CDH23: variants seen among roughly 807,000 people sequenced by gnomAD.
CDH23 encodes the protein cadherin-23.
CDH23 carries 189 observed loss-of-function variants against 317.1 expected under a neutral mutation model. That is an observed-to-expected ratio of 0.60 (90% CI 0.53 to 0.67). CDH23 has a LOEUF of 0.67. CDH23 is among the 30% of genes least tolerant of loss of function. The pLI is 0.00. For synonymous variants in CDH23, 1,839 were observed against 1,876.8 expected (o/e 0.98, Z 0.52); for missense variants, 4,401 against 4,592.4 (o/e 0.96, Z 1.20).
At chr10:71,520,216 G>A (rs1164633439) in intron 6 of CDH23, among the ~76,000 whole-genome samples, 1 of 152,228 alleles carries the variant, frequency 6.6e-6, no homozygotes, top group Non-Finnish European at 1.5e-5. Context: ...ATTGGCTGAA[G>A]TCAGGGCATT....
intron 53 of CDH23, among the ~76,000 whole-genome samples, chr10:71,801,522 C>T (rs1390185111): frequency 6.6e-6 from 1 of 152,102 alleles, no homozygotes; most frequent in African/African-American, 2.4e-5. Context: ...CCAGTGTCCA[C>T]GCAGCTGTTC....
Position 71,806,001 on chromosome 10 carries a change from A to AGGGCGGGGCCCGGTGCGAG in CDH23, c.8064+13_8064+31dup. 1 of 1,061,646 alleles carries AGGGCGGGGCCCGGTGCGAG rather than the reference A, an allele frequency of 9.4e-7. No individual in the cohort carries two copies. The highest frequency in any genetic ancestry group is 1.3e-6 in the Non-Finnish European group (1 of 764,060). 65.8% of individuals were successfully genotyped at this position (1,061,646 alleles called of 1,614,324 possible). A position where few individuals can be genotyped will look rare whatever the true frequency, so the allele number is the denominator to read the frequency against. On this transcript the variant is annotated splice_donor_region_variant and intron_variant, in intron 56 of 69. Transcript: ENST00000224721. The stretch of plus-strand genomic sequence containing the variant: ...CGAGTCGCAGGCGGTGTACAGCGTA[A>AGGGCGGGGCCCGGTGCGAG]GGGCGGGGCCCGGTGCGAGGGGCGG...
chr10:71,477,559 C>T (rs1292232097), intron 3 of CDH23, among the ~76,000 whole-genome samples: 1 of 152,204 alleles, frequency 6.6e-6, no homozygotes, highest in Non-Finnish European at 1.5e-5. Context: ...TCACCACTCT[C>T]ATGGCTTCGG....
intron 6 of CDH23, among the ~76,000 whole-genome samples, chr10:71,528,154 C>T (rs1855148746): frequency 6.6e-6 from 1 of 152,176 alleles, no homozygotes; most frequent in Non-Finnish European, 1.5e-5. Context: ...GCCATCATGC[C>T]ATGGCACTAA....
chr10:71,445,698 T>C (rs1247683605), intron 2 of CDH23, among the ~76,000 whole-genome samples: 1 of 151,806 alleles, frequency 6.6e-6, no homozygotes, highest in Admixed American at 6.6e-5. Context: ...AAAAATAAAG[T>C]AAAATAGCCT....
chr10:71,647,317 G>A (rs1862940708), intron 14 of CDH23, among the ~76,000 whole-genome samples: 1 of 152,196 alleles, frequency 6.6e-6, no homozygotes, highest in South Asian at 2.1e-4. Context: ...ACAAAAATTA[G>A]CCGGGTGTGG....
chr10:71,771,138 G>C (rs940504803), intron 38 of CDH23, among the ~76,000 whole-genome samples: 1 of 152,192 alleles, frequency 6.6e-6, no homozygotes, highest in Non-Finnish European at 1.5e-5. Flanking sequence ...TGTGAGGACA[G>C]GGCAAGGACA....
chr10:71,452,685 A>G (rs942369842), intron 3 of CDH23, among the ~76,000 whole-genome samples: 1 of 152,150 alleles, frequency 6.6e-6, no homozygotes, highest in Non-Finnish European at 1.5e-5. Context: ...CCATTGGTCT[A>G]TTAATTTTTA....
chr10:71,405,432 CTTTT>C (rs397824446), intron 1 of CDH23, among the ~76,000 whole-genome samples: 2 of 130,664 alleles, frequency 1.5e-5, no homozygotes, highest in Non-Finnish European at 1.6e-5. Context: ...GGTAGACTAT[CTTTT>C]TTTTTTTTTT....
intron 47 of CDH23, among the ~76,000 whole-genome samples, chr10:71,792,260 CTAATA>C (rs1420837657): frequency 6.6e-6 from 1 of 152,036 alleles, no homozygotes; most frequent in African/African-American, 2.4e-5. Flanking sequence ...TGTATGTAAT[CTAATA>C]TAATAATAAT....
At chr10:71,432,428 AGTGT>A (rs1220819481) in intron 1 of CDH23, among the ~76,000 whole-genome samples, 1 of 117,774 alleles carries the variant, frequency 8.5e-6, no homozygotes, top group Non-Finnish European at 1.8e-5. Flanking sequence ...TGTGTGGGTG[AGTGT>A]GTGTTTGAGA....
chr10:71,719,658 C>T lies in CDH23; in HGVS notation c.3370-4387C>T, dbSNP rs183895079. The T allele has an allele frequency of 9.2e-5, 14 of 152,940 alleles. No individual in the cohort carries two copies. The East Asian group carries it at 2.1e-3, about 23-fold the overall frequency. 9.5% of individuals were successfully genotyped at this position (152,940 alleles called of 1,614,324 possible). On this transcript the variant is annotated intron_variant, in intron 28 of 69. Transcript: ENST00000224721. ...GCCAGACCCCAGCCGTCCGGAGCTC[C>T]GTGGAGAGGTCTTCTCAGCTGTGGA...
At chr10:71,548,632 G>C (rs768277564) in intron 6 of CDH23, among the ~76,000 whole-genome samples, 1 of 152,236 alleles carries the variant, frequency 6.6e-6, no homozygotes, top group African/African-American at 2.4e-5. Flanking sequence ...GGGGCACTGT[G>C]TACACACAGA....
intron 38 of CDH23, chr10:71,757,769 T>G (rs1244432210): frequency 1.3e-5 from 2 of 152,622 alleles, no homozygotes; most frequent in Non-Finnish European, 2.9e-5. Context: ...GTTCGGCTGC[T>G]GAGGGTTGGG....
intron 41 of CDH23, among the ~76,000 whole-genome samples, chr10:71,782,341 C>T (rs1240727232): frequency 5.9e-5 from 9 of 152,228 alleles, no homozygotes; most frequent in African/African-American, 2.2e-4. Flanking sequence ...TCGGGATCAG[C>T]ACACACAAGG....
At position 71,691,078 on chromosome 10, in the gene CDH23, T is replaced by C. The variant is rs76429947; in HGVS notation, c.2176+494T>C. On this transcript the variant is annotated intron_variant, in intron 20 of 69. Coordinates refer to ENST00000224721, the MANE Select transcript of CDH23 (RefSeq NM_022124.6). ...TTAGTCCCTGGCACACGAAAAGTGC[T>C]AAAAAAAATTACCATCATTATTCTC... Among the ~76,000 whole-genome samples, 369 of 152,168 alleles carry C rather than the reference T, an allele frequency of 2.4e-3. 1 individual carries two copies. Among genetic ancestry groups the C allele is most frequent in the African/African-American group, 8.6e-3 (356 of 41,508 alleles).
chr10:71,773,604 C>A (rs1840743499), intron 38 of CDH23: 3 of 556,192 alleles, frequency 5.4e-6, no homozygotes, highest in South Asian at 3.2e-5. Context: ...CCCGGGGGGC[C>A]GTGTGGGGGA....
chr10:71,695,945 T>G (rs767973916), intron 22 of CDH23, among the ~76,000 whole-genome samples: 18 of 152,352 alleles, frequency 1.2e-4, no homozygotes, highest in Middle Eastern at 3.4e-3. Flanking sequence ...GTCATCCATC[T>G]GGGTCACCTC....
At chr10:71,558,961 C>G (rs187096983) in intron 6 of CDH23, among the ~76,000 whole-genome samples, 432 of 152,298 alleles carry the variant, frequency 2.8e-3, no homozygotes, top group Non-Finnish European at 4.4e-3. Flanking sequence ...AGTCCAGAAC[C>G]CAACTAACTC....
Sources: allele counts gnomAD v4.1 joint callset (sites outside exome capture counted in the v4.1 genomes callset), GRCh38; gene constraint gnomAD v4.1.1; transcripts MANE v1.5; gene names NCBI Gene and HGNC (gene_info 2026-07-23, HGNC 2026-07-21).